Variants in MAP3K14 observed in about 807,000 individuals in gnomAD.
MAP3K14 encodes the protein mitogen-activated protein kinase kinase kinase 14.
Under a neutral mutation model 99.2 loss-of-function variants are expected in MAP3K14, and 16 were observed. The ratio of observed to expected loss-of-function variants is 0.16; its 90% CI spans 0.11 to 0.24. The LOEUF is 0.24. Ranked by LOEUF, MAP3K14 falls within the 10% of genes least tolerant of loss-of-function variation. MAP3K14 has a pLI of 1.00. For missense variants in MAP3K14, 784 were observed against 1,208.7 expected (o/e 0.65, Z 5.21); for synonymous variants, 462 against 492.4 (o/e 0.94, Z 0.82).
chr17:45,276,605 G>A (rs546622925), intron 6 of MAP3K14, among the ~76,000 whole-genome samples: 4 of 151,948 alleles, frequency 2.6e-5, no homozygotes, highest in East Asian at 1.9e-4. Flanking sequence ...TCCGCCTCCT[G>A]GGTTCAAGCA....
chr17:45,301,682 A>G (rs904191621), intron 1 of MAP3K14, among the ~76,000 whole-genome samples: 1 of 152,220 alleles, frequency 6.6e-6, no homozygotes, highest in Non-Finnish European at 1.5e-5. Flanking sequence ...GTGTCGGTAT[A>G]TTACAATGAT....
chr17:45,286,624 G>C lies in MAP3K14; in HGVS notation c.959C>G (p.Pro320Arg), dbSNP rs1036208234. ...PKPLPGPHLE[P>R]SCLSRGAHEK... The stretch of plus-strand genomic sequence containing the variant: ...ATGGGCACCACGAGACAGGCAGCTG[G>C]GCTCCAGGTGTGGGCCAGGCAGGGG... Residue 320 changes from proline (P) to arginine (R), a missense_variant, in exon 5 of 16, where the codon CCC (proline) becomes CGC (arginine). This residue lies in a region of MAP3K14 where 138 missense variants were observed against 164.1 expected (regional missense o/e 0.84). Transcript: ENST00000344686. This position sits in a 1 kb window ranked among gnomAD's most constrained non-coding sequence, Gnocchi z 4.1. 1 of 1,610,850 alleles carries C rather than the reference G, an allele frequency of 6.2e-7. No homozygotes were observed. The highest frequency in any genetic ancestry group is 1.3e-5 in the African/African-American group (1 of 74,870).
At chr17:45,309,245 G>C (rs2044453023) in intron 1 of MAP3K14, among the ~76,000 whole-genome samples, 1 of 152,234 alleles carries the variant, frequency 6.6e-6, no homozygotes, top group Admixed American at 6.5e-5. Context: ...CAAGACCCCA[G>C]GGTGAGAGAA....
At position 45,273,525 on chromosome 17, in the gene MAP3K14, G is replaced by A. The variant is rs769521033; in HGVS notation, c.1635C>T (p.Gly545=). The change falls in exon 9 of 16, where the codon GGC becomes GGT. Residue 545 remains glycine (G), a synonymous_variant. Transcript: ENST00000344686. Reference sequence around the variant, plus strand: ...TACCTGTGAGCAAGGACTTTCCCAGGCCATCAGGTTGAAGACACACAGCAT... The same window carrying A: ...TACCTGTGAGCAAGGACTTTCCCAGACCATCAGGTTGAAGACACACAGCAT... ...FGHAVCLQPD[G]LGKSLLTGDY... 107 of 1,611,850 alleles carry A rather than the reference G, an allele frequency of 6.6e-5. No homozygotes were observed. The highest frequency in any genetic ancestry group is 3.0e-4 in the Admixed American group (18 of 59,854).
chr17:45,265,372 T>C (rs995297039), intron 14 of MAP3K14, 109 bp from the exon 15 acceptor site: 4 of 732,464 alleles, frequency 5.5e-6, no homozygotes, highest in Non-Finnish European at 1.0e-5. Context: ...CTCTGCCCTA[T>C]GTAGGGGGAG....
intron 6 of MAP3K14, 82 bp downstream of exon 6, chr17:45,284,730 T>C (rs575046073): frequency 6.8e-7 from 1 of 1,466,794 alleles, no homozygotes; most frequent in African/African-American, 1.4e-5. Flanking sequence ...ACCCTGCGAC[T>C]GTCCTGGACA....
intron 6 of MAP3K14, among the ~76,000 whole-genome samples, chr17:45,283,334 G>T (rs898951219): frequency 3.9e-5 from 6 of 152,230 alleles, no homozygotes; most frequent in African/African-American, 1.4e-4. Context: ...GGAAGACGAT[G>T]ATCCACACTG....
chr17:45,316,707 G>C (rs2044537195), intron 1 of MAP3K14, among the ~76,000 whole-genome samples: 1 of 151,958 alleles, frequency 6.6e-6, no homozygotes, highest in Non-Finnish European at 1.5e-5. Flanking sequence ...CGGAGCCAGC[G>C]TGTGGCCAGC....
chr17:45,286,626 C>G lies in MAP3K14; in HGVS notation c.957G>C (p.Glu319Asp). Residue 319 changes from glutamate to aspartate, a missense_variant, in exon 5 of 16, where the codon GAG (glutamate) becomes GAC (aspartate). Coordinates refer to ENST00000344686, the MANE Select transcript of MAP3K14 (RefSeq NM_003954.5). This position sits in a 1 kb window ranked among gnomAD's most constrained non-coding sequence, Gnocchi z 4.1. Reference sequence around the variant, plus strand: ...GGGCACCACGAGACAGGCAGCTGGGCTCCAGGTGTGGGCCAGGCAGGGGCT... The same window carrying G: ...GGGCACCACGAGACAGGCAGCTGGGGTCCAGGTGTGGGCCAGGCAGGGGCT... ...SPKPLPGPHL[E>D]PSCLSRGAHE... 1 of 1,610,888 alleles carries G rather than the reference C, an allele frequency of 6.2e-7. No homozygotes were observed. The highest frequency in any genetic ancestry group is 8.5e-7 in the Non-Finnish European group (1 of 1,178,742).
chr17:45,270,521 A>G lies in MAP3K14; in HGVS notation c.1864T>C (p.Cys622Arg). 6.3e-7 allele frequency: 1 copy of G among 1,585,078 alleles called. No individual in the cohort carries two copies. The highest frequency in any genetic ancestry group is 1.9e-5 in the Admixed American group (1 of 53,980). The change falls in exon 11 of 16, where the codon TGC (cysteine) becomes CGC (arginine). Residue 622 changes from cysteine to arginine, a missense_variant. Coordinates refer to ENST00000344686, the MANE Select transcript of MAP3K14 (RefSeq NM_003954.5). The stretch of plus-strand genomic sequence containing the variant: ...ATGGCCTGGGCTGTGAGAGGGGCGC[A>G]GGAGGGTGGGATCTCCCTCACAGGC... ...PPPVREIPPS[C>R]APLTAQAIQE...
chr17:45,286,461 A>G lies in MAP3K14; in HGVS notation c.1122T>C (p.Thr374=), dbSNP rs56284014. The change falls in exon 5 of 16, where the codon ACT becomes ACC. Residue 374 remains threonine, a synonymous_variant. Transcript: ENST00000344686. The surrounding 1 kb of genome is among the most constrained non-coding windows in gnomAD (Gnocchi z 4.1). ...TGAGCAGGACACCCTCGTTGTCCTC[A>G]GTTTTGGGGCTGGGCTCCCGGGATC... ...GSRSREPSPK[T]EDNEGVLLTE... The G allele has an allele frequency of 1.1e-5, 17 of 1,599,808 alleles. No individual in the cohort carries two copies. The highest frequency in any genetic ancestry group is 1.4e-5 in the Non-Finnish European group (16 of 1,171,390).
intron 1 of MAP3K14, among the ~76,000 whole-genome samples, chr17:45,294,291 C>G (rs1275876547): frequency 1.3e-5 from 2 of 152,198 alleles, no homozygotes; most frequent in Admixed American, 1.3e-4. Context: ...TCTTTGAGGC[C>G]TGATGCACAG....
intron 1 of MAP3K14, among the ~76,000 whole-genome samples, chr17:45,303,016 T>C (rs777441685): frequency 3.9e-5 from 6 of 152,262 alleles, no homozygotes; most frequent in Non-Finnish European, 8.8e-5. Flanking sequence ...ATTTATCGAA[T>C]GGCAAATGCA....
At chr17:45,273,189 G>A (rs963003211) in intron 9 of MAP3K14, among the ~76,000 whole-genome samples, 2 of 152,172 alleles carry the variant, frequency 1.3e-5, no homozygotes, top group Non-Finnish European at 2.9e-5. Flanking sequence ...GGCTGGCAGT[G>A]CACTCCCCTG....
Position 45,301,833 on chromosome 17 carries a change from CTTT to C in MAP3K14, c.-20-11071_-20-11069del, listed in dbSNP as rs34664244. The stretch of plus-strand genomic sequence containing the variant: ...AGCACATATTAGTTTTCTCAGTTCT[CTTT>C]TTTTTTTTTTTTTTGAGATGCAGTC... On this transcript the variant is annotated intron_variant, in intron 1 of 15. Transcript: ENST00000344686. Among the ~76,000 whole-genome samples, 28 of 134,260 alleles carry C rather than the reference CTTT, an allele frequency of 2.1e-4. 1 individual carries two copies. The South Asian group carries it at 3.1e-3, about 15-fold the overall frequency. The allele number at this position is 134,260 out of a possible 152,430, so 88.1% of individuals were successfully genotyped here. A position where few individuals can be genotyped will look rare whatever the true frequency, so the allele number is the denominator to read the frequency against.
intron 8 of MAP3K14, chr17:45,273,853 C>G (rs2044158911): frequency 4.6e-6 from 3 of 645,656 alleles, no homozygotes. Flanking sequence ...CGCTGCCACT[C>G]TGCTCGCCTG....
At chr17:45,304,970 T>G (rs1244487551) in intron 1 of MAP3K14, among the ~76,000 whole-genome samples, 1 of 152,206 alleles carries the variant, frequency 6.6e-6, no homozygotes, top group Non-Finnish European at 1.5e-5. Flanking sequence ...CATAGCACAG[T>G]GCCTGGCATG....
chr17:45,291,603 A>G (rs1199292642), intron 1 of MAP3K14, among the ~76,000 whole-genome samples: 1 of 152,254 alleles, frequency 6.6e-6, no homozygotes, highest in Non-Finnish European at 1.5e-5. Context: ...GGAAGCTGCA[A>G]AGAAGAGCAA....
At position 45,266,439 on chromosome 17, in the gene MAP3K14, G is replaced by T. The variant is rs1039620023; in HGVS notation, c.2578+98C>A. 2.7e-6 allele frequency: 4 copies of T among 1,465,622 alleles called. No homozygotes were observed. In the Admixed American group the frequency reaches 6.5e-5, roughly 24 times the overall value. The allele number at this position is 1,465,622 out of a possible 1,614,324, so 90.8% of individuals were successfully genotyped here. A position where few individuals can be genotyped will look rare whatever the true frequency, so the allele number is the denominator to read the frequency against. On this transcript the variant is annotated intron_variant, in intron 14 of 15. Coordinates refer to ENST00000344686, the MANE Select transcript of MAP3K14 (RefSeq NM_003954.5). The stretch of plus-strand genomic sequence containing the variant: ...ACCAGGCGCCTTCCTCCCTCCCACT[G>T]TGCCAGAGGAGGGGAGACAAAATCC...
Sources: gnomAD v4.1 joint callset for allele counts (sites outside exome capture counted in the v4.1 genomes callset) on GRCh38, gnomAD v4.1.1 for gene constraint, gnomAD v4.1.1 regional missense constraint, Gnocchi (gnomAD v3.1) non-coding constraint, MANE v1.5 for transcripts, NCBI Gene and HGNC (gene_info 2026-07-23, HGNC 2026-07-21) for gene names.